GREB1L: variants seen among roughly 807,000 people sequenced by gnomAD.
The protein encoded by GREB1L is GREB1-like protein.
A neutral mutation model predicts 200.8 loss-of-function variants in GREB1L; 17 were observed. The observed-to-expected ratio is 0.08, with a 90% confidence interval of 0.06 to 0.13. The LOEUF (loss-of-function observed/expected upper bound fraction) is 0.13. Ranked by LOEUF, GREB1L falls within the 10% of genes least tolerant of loss-of-function variation. The probability of loss-of-function intolerance (pLI) is 1.00; values close to 1 mark genes in which losing one functional copy is unlikely to be tolerated. For missense variants in GREB1L, 1,657 were observed against 2,367.7 expected (o/e 0.70, Z 6.23); for synonymous variants, 789 against 893.0 (o/e 0.88, Z 2.08).
chr18:21,485,364 A>G (rs1208067066), intron 17 of GREB1L: 1 of 342,586 alleles, frequency 2.9e-6, no homozygotes, highest in South Asian at 6.5e-5. Flanking sequence ...AAAAGAAAAC[A>G]AACCATGTGC....
At chr18:21,338,746 C>G (rs1399974881) in intron 1 of GREB1L, among the ~76,000 whole-genome samples, 1 of 152,226 alleles carries the variant, frequency 6.6e-6, no homozygotes, top group Non-Finnish European at 1.5e-5. Flanking sequence ...AAGCCACCAG[C>G]CTACATATCT....
chr18:21,270,342 G>A (rs1210637163), intron 1 of GREB1L, among the ~76,000 whole-genome samples: 2 of 152,172 alleles, frequency 1.3e-5, no homozygotes, highest in African/African-American at 4.8e-5. Context: ...AGAAAAACAT[G>A]GGCCTTAATC....
At chr18:21,271,279 T>C (rs1454355490) in intron 1 of GREB1L, among the ~76,000 whole-genome samples, 1 of 152,140 alleles carries the variant, frequency 6.6e-6, no homozygotes, top group African/African-American at 2.4e-5. Context: ...AGATGGGGCA[T>C]GCACTCTTCT....
At chr18:21,259,998 T>A (rs2037864633) in intron 1 of GREB1L, among the ~76,000 whole-genome samples, 1 of 151,994 alleles carries the variant, frequency 6.6e-6, no homozygotes, top group Admixed American at 6.6e-5. Context: ...ATTTAAGGCA[T>A]GAGAAATTAT....
chr18:21,355,014 T>C (rs1214698069), intron 1 of GREB1L, among the ~76,000 whole-genome samples: 2 of 152,092 alleles, frequency 1.3e-5, no homozygotes, highest in South Asian at 2.1e-4. Flanking sequence ...ATTAGACAAG[T>C]TGATACCAGC....
At chr18:21,404,664 A>C (rs764409087) in intron 7 of GREB1L, among the ~76,000 whole-genome samples, 2 of 152,194 alleles carry the variant, frequency 1.3e-5, no homozygotes, top group African/African-American at 2.4e-5. Context: ...TCCAGGTGGA[A>C]CTTCATGGTT....
intron 1 of GREB1L, among the ~76,000 whole-genome samples, chr18:21,276,950 A>G (rs530498593): frequency 0.013 from 487 of 36,588 alleles, 1 homozygote; most frequent in Non-Finnish European, 0.021. Context: ...TTTTTTTTTT[A>G]CGGAATCTTG....
At chr18:21,333,083 TACAC>T (rs145912260) in intron 1 of GREB1L, among the ~76,000 whole-genome samples, 8 of 151,952 alleles carry the variant, frequency 5.3e-5, no homozygotes, top group Non-Finnish European at 7.4e-5. Flanking sequence ...CCTATGTTAA[TACAC>T]ACACACGCGC....
intron 1 of GREB1L, among the ~76,000 whole-genome samples, chr18:21,311,179 T>C (rs1198582643): frequency 1.3e-5 from 2 of 152,346 alleles, no homozygotes; most frequent in South Asian, 2.1e-4. Flanking sequence ...CAAGACACTT[T>C]GAAAGAGCCA....
chr18:21,500,005 G>A lies in GREB1L; in HGVS notation c.3668G>A (p.Gly1223Asp). 1 of 1,551,458 alleles carries A rather than the reference G, an allele frequency of 6.4e-7. No individual in the cohort carries two copies. The highest frequency in any genetic ancestry group is 8.7e-7 in the Non-Finnish European group (1 of 1,147,002). Residue 1223 changes from glycine (G) to aspartate (D), a missense_variant, in exon 22 of 33, where the codon GGC becomes GAC. Physicochemically the swap from Gly to Asp is moderately conservative, Grantham distance 94 (BLOSUM62 -1). This residue lies in a region of GREB1L where 512 missense variants were observed against 668.3 expected (regional missense o/e 0.77). Coordinates refer to ENST00000424526, the MANE Select transcript of GREB1L (RefSeq NM_001142966.3). ...GGACAGCCCATCAGAGGCTGCCGGG[G>A]CCCACAGGCAGCCCTGCCACCAGTG... is the stretch of plus-strand genomic sequence containing the variant. ...WPGQPIRGCR[G>D]PQAALPPVVI... is the part of the protein sequence containing the mutation.
At chr18:21,247,884 T>C (rs1049707443) in intron 1 of GREB1L, among the ~76,000 whole-genome samples, 3 of 152,170 alleles carry the variant, frequency 2.0e-5, no homozygotes, top group African/African-American at 7.2e-5. Context: ...CACTCTGACC[T>C]GTTGAATCAG....
chr18:21,301,102 C>T (rs902786811), intron 1 of GREB1L, among the ~76,000 whole-genome samples: 2 of 152,106 alleles, frequency 1.3e-5, no homozygotes, highest in African/African-American at 4.8e-5. Context: ...GGATGCTATT[C>T]GGAAAAGAGA....
chr18:21,432,705 CTTTTTTT>C (rs11380208), intron 7 of GREB1L, among the ~76,000 whole-genome samples: 5 of 94,368 alleles, frequency 5.3e-5, no homozygotes, highest in African/African-American at 1.8e-4. Flanking sequence ...TCTTTTTTTT[CTTTTTTT>C]TTTTTTTTTT....
chr18:21,349,017 C>T (rs549458577), intron 1 of GREB1L, among the ~76,000 whole-genome samples: 18 of 152,144 alleles, frequency 1.2e-4, no homozygotes, highest in Non-Finnish European at 2.6e-4. Flanking sequence ...TCTCCAGGGA[C>T]TGCTTGTTCA....
At chr18:21,481,925 TAGTAA>T (rs570377304) in intron 17 of GREB1L, among the ~76,000 whole-genome samples, 67 of 152,326 alleles carry the variant, frequency 4.4e-4, no homozygotes, top group Admixed American at 3.1e-3. Context: ...GCACACCCTT[TAGTAA>T]ACGTATGTAT....
chr18:21,258,991 C>T (rs544379589), intron 1 of GREB1L, among the ~76,000 whole-genome samples: 1 of 152,198 alleles, frequency 6.6e-6, no homozygotes, highest in African/African-American at 2.4e-5. Flanking sequence ...ATAGATGTTA[C>T]AATTCATATT....
chr18:21,455,273 C>T (rs529721805), intron 15 of GREB1L: 1 of 151,568 alleles, frequency 6.6e-6, no homozygotes, highest in African/African-American at 2.4e-5. Flanking sequence ...GGTTTGAAAA[C>T]GAAATTATAA....
intron 1 of GREB1L, among the ~76,000 whole-genome samples, chr18:21,308,825 T>C (rs2038744161): frequency 6.6e-6 from 1 of 152,202 alleles, no homozygotes; most frequent in Admixed American, 6.5e-5. Flanking sequence ...ATCTCCTGTC[T>C]TGGGAGCTTG....
intron 27 of GREB1L, among the ~76,000 whole-genome samples, chr18:21,511,226 T>C (rs1410677379): frequency 6.6e-6 from 1 of 152,078 alleles, no homozygotes; most frequent in Non-Finnish European, 1.5e-5. Flanking sequence ...TAGCCTGGCA[T>C]GGTGGCACTT....
Sources: allele counts gnomAD v4.1 joint callset (sites outside exome capture counted in the v4.1 genomes callset), GRCh38; gene constraint gnomAD v4.1.1; regional missense constraint gnomAD v4.1.1; transcripts MANE v1.5; gene names NCBI Gene and HGNC (gene_info 2026-07-23, HGNC 2026-07-21).